SPRY3: variants seen among roughly 807,000 people sequenced by gnomAD.
SPRY3 encodes the protein sprouty RTK signaling antagonist 3.
In SPRY3, 15 loss-of-function variants were observed where a neutral mutation model predicts 20.2. That is an observed-to-expected ratio of 0.74 (90% CI 0.50 to 1.14). The LOEUF is 1.14. SPRY3 is among the 50% of genes most tolerant of loss of function. The pLI, the probability that SPRY3 is intolerant of heterozygous loss-of-function variation, is 0.00. For missense variants in SPRY3, 364 were observed against 363.9 expected, an observed-to-expected ratio of 1.00 and a Z score of 0.00; for synonymous variants, 143 against 136.5, an observed-to-expected ratio of 1.05 and a Z score of -0.33.
intron 2 of SPRY3, among the ~76,000 whole-genome samples, chrX:155,756,606 TACATTAGGAAAAG>T (rs2091284282): frequency 6.6e-6 from 1 of 152,052 alleles, no homozygotes; most frequent in Non-Finnish European, 1.5e-5. Flanking sequence ...CAGGTTAGGA[TACATTAGGAAAAG>T]ACAGAGAATT....
chrX:155,686,233 T>TATTTATCAACCCATCACCTAGCTC (rs2068087505), intron 2 of SPRY3, among the ~76,000 whole-genome samples: 1 of 111,595 alleles, frequency 9.0e-6, no homozygotes, highest in African/African-American at 3.3e-5. Flanking sequence ...TTCTTTAAAG[T>TATTTATCAACCCATCACCTAGCTC]TTTTGTCAGA....
intron 1 of SPRY3, among the ~76,000 whole-genome samples, chrX:155,622,449 G>C (rs1469334085): frequency 2.7e-5 from 3 of 111,486 alleles, no homozygotes; most frequent in Non-Finnish European, 3.8e-5. Flanking sequence ...TATCCCTCAA[G>C]TTTGCACAGC....
chrX:155,686,069 C>T (rs143362946), intron 2 of SPRY3, among the ~76,000 whole-genome samples: 2,939 of 111,733 alleles, frequency 0.026, 104 homozygotes, highest in Admixed American at 0.13. Context: ...CCACTGCACC[C>T]GACCATATTC....
chrX:155,622,506 A>G (rs2067874676), intron 1 of SPRY3, among the ~76,000 whole-genome samples: 1 of 111,674 alleles, frequency 9.0e-6, no homozygotes. Flanking sequence ...GATCCTATCT[A>G]TTGGAGCCAT....
At position 155,724,592 on chromosome X, in the gene SPRY3, T is replaced by C. The variant is rs1407711510; in HGVS notation, c.-281-43370T>C. Among the ~76,000 whole-genome samples, 3 of 152,310 alleles carry C rather than the reference T, an allele frequency of 2.0e-5. No homozygotes were observed. The East Asian group carries it at 5.8e-4, about 29-fold the overall frequency. On this transcript the variant is annotated intron_variant, in intron 2 of 3. Coordinates refer to ENST00000675360, the Ensembl canonical transcript of SPRY3. ...TTGTGAATGGGAGTTCCCTCATGAT[T>C]TGGCTCTCTGTTTGTCTGTTATTGG...
intron 2 of SPRY3, among the ~76,000 whole-genome samples, chrX:155,706,800 C>T (rs1204051371): frequency 1.3e-5 from 2 of 150,834 alleles, no homozygotes; most frequent in African/African-American, 4.8e-5. Flanking sequence ...GAAGAAATAA[C>T]CATAGCAATG....
chrX:155,744,256 A>G (rs2091215915), intron 2 of SPRY3, among the ~76,000 whole-genome samples: 1 of 152,096 alleles, frequency 6.6e-6, no homozygotes, highest in Admixed American at 6.6e-5. Flanking sequence ...AATGGTGAGA[A>G]TAAGCAAGAG....
chrX:155,688,227 A>G (rs1271938406), intron 2 of SPRY3, among the ~76,000 whole-genome samples: 1 of 110,513 alleles, frequency 9.0e-6, no homozygotes, highest in Non-Finnish European at 1.9e-5. Flanking sequence ...GTTCCTTTTT[A>G]TAGCTGCATA....
chrX:155,756,156 A>G lies in SPRY3; in HGVS notation c.-281-11806A>G, dbSNP rs150188074. Reference sequence around the variant, plus strand: ...AATCCTCTGCACTGTTGTCACCTGCAGCATGCTGGCCTCCCTTATAGAGGA... The same window carrying G: ...AATCCTCTGCACTGTTGTCACCTGCGGCATGCTGGCCTCCCTTATAGAGGA... On this transcript the variant is annotated intron_variant, in intron 2 of 3. Coordinates refer to ENST00000675360, the Ensembl canonical transcript of SPRY3. Among the ~76,000 whole-genome samples the G allele has an allele frequency of 5.3e-3, 808 of 152,234 alleles. 9 individuals are homozygous for G. The highest frequency in any genetic ancestry group is 0.019 in the African/African-American group (777 of 41,560).
intron 2 of SPRY3, among the ~76,000 whole-genome samples, chrX:155,744,656 C>G (rs1454108748): frequency 6.6e-6 from 1 of 151,710 alleles, no homozygotes; most frequent in African/African-American, 2.4e-5. Flanking sequence ...GAGTGCAGAC[C>G]CAGGACACTA....
intron 1 of SPRY3, among the ~76,000 whole-genome samples, chrX:155,649,571 C>G (rs781855502): frequency 2.2e-4 from 25 of 111,415 alleles, no homozygotes; most frequent in African/African-American, 7.5e-4. Context: ...ATTCAACACC[C>G]CTTCATGCTA....
At chrX:155,649,832 T>C (rs1344522244) in intron 1 of SPRY3, among the ~76,000 whole-genome samples, 2 of 111,303 alleles carry the variant, frequency 1.8e-5, no homozygotes, top group African/African-American at 6.5e-5. Flanking sequence ...TCAAATTATC[T>C]CTGTTTGCAC....
intron 2 of SPRY3, among the ~76,000 whole-genome samples, chrX:155,695,019 A>G (rs748714204): frequency 9.0e-6 from 1 of 111,667 alleles, no homozygotes; most frequent in Admixed American, 9.5e-5. Context: ...TATTAAAACT[A>G]TATGTATTAA....
At chrX:155,616,132 T>TCTCTCTCTCTCTCTCTCTCTCCCTC (rs1569562349) in intron 1 of SPRY3, among the ~76,000 whole-genome samples, 1 of 29,704 alleles carries the variant, frequency 3.4e-5, no homozygotes, top group African/African-American at 6.1e-5. Context: ...CTCTCTCTCC[T>TCTCTCTCTCTCTCTCTCTCTCCCTC]CTCTCTCTCT....
chrX:155,740,615 G>T (rs2091199153), intron 2 of SPRY3, among the ~76,000 whole-genome samples: 1 of 152,074 alleles, frequency 6.6e-6, no homozygotes, highest in African/African-American at 2.4e-5. Context: ...CCCCACCCTG[G>T]TGAATTCAAG....
intron 2 of SPRY3, among the ~76,000 whole-genome samples, chrX:155,661,374 A>G (rs1360244359): frequency 8.9e-6 from 1 of 111,992 alleles, no homozygotes; most frequent in South Asian, 3.7e-4. Context: ...CTTATGGCTT[A>G]TAAGGGTTCT....
At chrX:155,640,470 C>G (rs1361727226) in intron 1 of SPRY3, among the ~76,000 whole-genome samples, 3 of 112,308 alleles carry the variant, frequency 2.7e-5, no homozygotes, top group Non-Finnish European at 5.6e-5. Context: ...TATCAAGCAA[C>G]TCAACTTTTT....
At chrX:155,668,424 G>C (rs782126003) in intron 2 of SPRY3, among the ~76,000 whole-genome samples, 1 of 110,959 alleles carries the variant, frequency 9.0e-6, no homozygotes, top group Non-Finnish European at 1.9e-5. Flanking sequence ...ATGGAATATA[G>C]AATCAGAAAG....
At chrX:155,743,624 TATCGAGAACCTTTCCTTTTGTGCA>T (rs1460304282) in intron 2 of SPRY3, among the ~76,000 whole-genome samples, 3 of 152,090 alleles carry the variant, frequency 2.0e-5, no homozygotes, top group Non-Finnish European at 1.5e-5. Flanking sequence ...ACCAGAAAGT[TATCGAGAACCTTTCCTTTTGTGCA>T]ATTCAGTATA....
Sources: allele counts gnomAD v4.1 joint callset (sites outside exome capture counted in the v4.1 genomes callset), GRCh38; gene constraint gnomAD v4.1.1; transcripts MANE v1.5; gene names NCBI Gene and HGNC (gene_info 2026-07-23, HGNC 2026-07-21).